Variants in TMED8 observed in about 807,000 individuals in gnomAD.
TMED8 encodes the protein transmembrane p24 trafficking protein family member 8, also known as protein TMED8.
TMED8 carries 15 observed loss-of-function variants against 32.7 expected under a neutral mutation model. That is an observed-to-expected ratio of 0.46 (90% CI 0.31 to 0.71). The LOEUF is 0.71. Ranked by LOEUF, TMED8 falls within the 30% of genes least tolerant of loss-of-function variation. TMED8 has a pLI of 0.06. For missense variants in TMED8, 390 were observed against 423.9 expected (o/e 0.92, Z 0.70); for synonymous variants, 147 against 161.4 (o/e 0.91, Z 0.68).
chr14:77,340,498 A>AG lies in TMED8; in HGVS notation c.*1272dup, dbSNP rs1386418477. The AG allele has an allele frequency of 1.3e-5, 2 of 152,232 alleles. No homozygotes were observed. The highest frequency in any genetic ancestry group is 2.9e-5 in the Non-Finnish European group (2 of 68,042). The allele number at this position is 152,232 out of a possible 1,614,324, so 9.4% of individuals were successfully genotyped here. ...GGAGGTACAAACACAGAGACTGCTG[A>AG]GGTCCCATCTCACCTCCGTCTCCTC... On this transcript the variant is annotated 3_prime_UTR_variant, in exon 6 of 6. Transcript: ENST00000216468.
At chr14:77,348,825 C>G (rs1382802499) in intron 2 of TMED8, among the ~76,000 whole-genome samples, 1 of 152,200 alleles carries the variant, frequency 6.6e-6, no homozygotes, top group Non-Finnish European at 1.5e-5. Context: ...CAACCTACCT[C>G]AGGACAGACA....
intron 1 of TMED8, among the ~76,000 whole-genome samples, chr14:77,356,687 C>T (rs1021535668): frequency 2.6e-5 from 4 of 152,180 alleles, no homozygotes; most frequent in African/African-American, 7.2e-5. Context: ...TCATACCCAG[C>T]CCATGTTCAA....
intron 1 of TMED8, among the ~76,000 whole-genome samples, chr14:77,372,933 TATATATATATATATATA>T (rs1424254944): frequency 8.1e-4 from 28 of 34,438 alleles, no homozygotes; most frequent in Non-Finnish European, 1.3e-3. Context: ...TATATATATA[TATATATATATATATATA>T]TATTTTTTTT....
chr14:77,351,249 G>A (rs973596489), intron 2 of TMED8, among the ~76,000 whole-genome samples: 2 of 150,194 alleles, frequency 1.3e-5, no homozygotes, highest in Non-Finnish European at 3.0e-5. Context: ...CACTTTGGGA[G>A]GCCGAGGTGG....
rs915821295 is a variant in TMED8, at chr14:77,340,107, A to G, written c.*1664T>C. On this transcript the variant is annotated 3_prime_UTR_variant, in exon 6 of 6. Coordinates refer to ENST00000216468, the MANE Select transcript of TMED8 (RefSeq NM_213601.3). ...AATTCCTCTGCACTCAATCTCCAGCAAATGGGCAGATTCCCTCACAACTTA... is the reference window on the plus strand; with the variant it reads ...AATTCCTCTGCACTCAATCTCCAGCGAATGGGCAGATTCCCTCACAACTTA... 6.6e-6 allele frequency: 1 copy of G among 152,244 alleles called. No individual in the cohort carries two copies. The highest frequency in any genetic ancestry group is 6.5e-5 in the Admixed American group (1 of 15,288). 9.4% of individuals were successfully genotyped at this position (152,244 alleles called of 1,614,324 possible). A position where few individuals can be genotyped will look rare whatever the true frequency, so the allele number is the denominator to read the frequency against.
At chr14:77,374,958 A>G (rs1893779002) in intron 1 of TMED8, among the ~76,000 whole-genome samples, 1 of 152,258 alleles carries the variant, frequency 6.6e-6, no homozygotes, top group Non-Finnish European at 1.5e-5. Flanking sequence ...CATCATAACA[A>G]GATGACAATT....
At chr14:77,349,397 C>T (rs540789488) in intron 2 of TMED8, among the ~76,000 whole-genome samples, 2 of 152,142 alleles carry the variant, frequency 1.3e-5, no homozygotes, top group African/African-American at 2.4e-5. Flanking sequence ...GGATTACAGG[C>T]GTGAGCCACC....
chr14:77,343,541 C>T (rs1221322345), intron 4 of TMED8, 58 bp from the exon 5 acceptor site: 4 of 1,592,392 alleles, frequency 2.5e-6, no homozygotes, highest in Non-Finnish European at 3.4e-6. Flanking sequence ...GTACCCCGGG[C>T]ATTTTGCTAA....
At position 77,336,897 on chromosome 14, in the gene TMED8, TC is replaced by T. The variant is rs1166806162; in HGVS notation, c.*4873del. On this transcript the variant is annotated 3_prime_UTR_variant, in exon 6 of 6. Transcript: ENST00000216468. ...TTAGAGTCTGGGTTTCAACTAATTC[TC>T]TCAAAGAGGGACTGAGCAGGACTCA... is the stretch of plus-strand genomic sequence containing the variant. 2 of 152,158 alleles carry T rather than the reference TC, an allele frequency of 1.3e-5. No individual in the cohort carries two copies. The highest frequency in any genetic ancestry group is 2.9e-5 in the Non-Finnish European group (2 of 68,034). The allele number at this position is 152,158 out of a possible 1,614,324, so 9.4% of individuals were successfully genotyped here. A position where few individuals can be genotyped will look rare whatever the true frequency, so the allele number is the denominator to read the frequency against.
chr14:77,357,862 A>AC (rs750968651), intron 1 of TMED8, among the ~76,000 whole-genome samples: 5 of 152,052 alleles, frequency 3.3e-5, no homozygotes, highest in Admixed American at 6.5e-5. Context: ...GGTAGCTCAC[A>AC]CCTGTAATCC....
At chr14:77,351,541 G>T (rs1366457678) in intron 2 of TMED8, 132 bp downstream of exon 2, 1 of 753,398 alleles carries the variant, frequency 1.3e-6, no homozygotes, top group Admixed American at 2.6e-5. Flanking sequence ...GATTACAGGC[G>T]TGAGCCACTG....
At chr14:77,372,264 A>G (rs1163521177) in intron 1 of TMED8, among the ~76,000 whole-genome samples, 1 of 152,248 alleles carries the variant, frequency 6.6e-6, no homozygotes, top group African/African-American at 2.4e-5. Context: ...TTCTTTCTAC[A>G]TTACCAAAGG....
At chr14:77,354,643 G>C (rs1307418498) in intron 1 of TMED8, among the ~76,000 whole-genome samples, 1 of 152,132 alleles carries the variant, frequency 6.6e-6, no homozygotes, top group Non-Finnish European at 1.5e-5. Context: ...GATTACCACT[G>C]TTAACTTTTT....
chr14:77,346,799 TTTTA>T lies in TMED8; in HGVS notation c.198-325_198-322del, dbSNP rs1364987400. Among the ~76,000 whole-genome samples the T allele has an allele frequency of 3.4e-5, 5 of 148,680 alleles. No individual in the cohort carries two copies. In the East Asian group the frequency reaches 6.1e-4, roughly 18 times the overall value. ...TTTTTTTTTTTGTCATTGTTGTTTC[TTTTA>T]TTTATTTATTTTAGTTGACAAAGTG... On this transcript the variant is annotated intron_variant, in intron 2 of 5. Coordinates refer to ENST00000216468, the MANE Select transcript of TMED8 (RefSeq NM_213601.3).
chr14:77,337,260 C>G lies in TMED8; in HGVS notation c.*4511G>C, dbSNP rs1892782432. On this transcript the variant is annotated 3_prime_UTR_variant, in exon 6 of 6. Transcript: ENST00000216468. Reference sequence around the variant, plus strand: ...AAGCAACAGAGGTTAGCATAAAGCCCTTCCGGAGCAGCTTCACAATCACTC... The same window carrying G: ...AAGCAACAGAGGTTAGCATAAAGCCGTTCCGGAGCAGCTTCACAATCACTC... 1 of 152,194 alleles carries G rather than the reference C, an allele frequency of 6.6e-6. No homozygotes were observed. Among genetic ancestry groups the G allele is most frequent in the South Asian group, 2.1e-4 (1 of 4,832 alleles). 9.4% of individuals were successfully genotyped at this position (152,194 alleles called of 1,614,324 possible). A position where few individuals can be genotyped will look rare whatever the true frequency, so the allele number is the denominator to read the frequency against.
intron 1 of TMED8, among the ~76,000 whole-genome samples, chr14:77,355,198 C>CT (rs769300656): frequency 0.36 from 49,761 of 138,794 alleles, 10,020 homozygotes; most frequent in East Asian, 0.53. Context: ...GCACTAAACA[C>CT]TTTTTTTTTT....
chr14:77,356,672 T>A (rs1785481642), intron 1 of TMED8, among the ~76,000 whole-genome samples: 2 of 152,200 alleles, frequency 1.3e-5, no homozygotes, highest in South Asian at 4.1e-4. Flanking sequence ...TTCCTCAATA[T>A]CATCTCATAC....
rs1892742330 is a variant in TMED8 at position 77,335,583 on chromosome 14, A to G, written c.*6188T>C. ...AAAGCCCTTCAGAAAATAGAAGCTA[A>G]ATGACATAAAGTAGTTTGGAAAATC... On this transcript the variant is annotated 3_prime_UTR_variant, in exon 6 of 6. Transcript: ENST00000216468. The G allele has an allele frequency of 1.3e-5, 2 of 152,204 alleles. No individual in the cohort carries two copies. The highest frequency in any genetic ancestry group is 1.3e-4 in the Admixed American group (2 of 15,278). 9.4% of individuals were successfully genotyped at this position (152,204 alleles called of 1,614,324 possible). A position where few individuals can be genotyped will look rare whatever the true frequency, so the allele number is the denominator to read the frequency against.
intron 1 of TMED8, among the ~76,000 whole-genome samples, chr14:77,374,296 T>C (rs1594857479): frequency 6.6e-6 from 1 of 152,228 alleles, no homozygotes; most frequent in African/African-American, 2.4e-5. Flanking sequence ...AAGCCTCTGG[T>C]CCAGGCCAAA....
Sources: allele counts gnomAD v4.1 joint callset (sites outside exome capture counted in the v4.1 genomes callset), GRCh38; gene constraint gnomAD v4.1.1; transcripts MANE v1.5; gene names NCBI Gene and HGNC (gene_info 2026-07-23, HGNC 2026-07-21).